The following LRRTM4 variants were observed in gnomAD, a reference collection of about 807,000 sequenced individuals.
LRRTM4 encodes leucine-rich repeat transmembrane neuronal protein 4.
A neutral mutation model predicts 47.6 loss-of-function variants in LRRTM4; 25 were observed. The ratio of observed to expected loss-of-function variants is 0.53; its 90% CI spans 0.38 to 0.73. The LOEUF (loss-of-function observed/expected upper bound fraction) is 0.73. Among genes scored for constraint, LRRTM4 ranks in the 30% least tolerant of loss-of-function variants. The probability of loss-of-function intolerance (pLI) is 0.00; values close to 1 mark genes in which losing one functional copy is unlikely to be tolerated. For synonymous variants in LRRTM4, 311 were observed against 269.5 expected, an observed-to-expected ratio of 1.15 and a Z score of -1.51; for missense variants, 638 against 713.4, an observed-to-expected ratio of 0.89 and a Z score of 1.20.
chr2:77,017,158 A>G (rs1396059623), intron 3 of LRRTM4, among the ~76,000 whole-genome samples: 1 of 152,198 alleles, frequency 6.6e-6, no homozygotes, highest in African/African-American at 2.4e-5. Flanking sequence ...ATCAACATAG[A>G]TGAGGACATC....
At chr2:76,816,522 A>C (rs1670899246) in intron 3 of LRRTM4, among the ~76,000 whole-genome samples, 1 of 152,116 alleles carries the variant, frequency 6.6e-6, no homozygotes, top group South Asian at 2.1e-4. Flanking sequence ...CATAATCTAT[A>C]GAAGTGGAAC....
At chr2:77,439,391 A>T (rs1675743845) in intron 3 of LRRTM4, among the ~76,000 whole-genome samples, 1 of 152,164 alleles carries the variant, frequency 6.6e-6, no homozygotes, top group Non-Finnish European at 1.5e-5. Flanking sequence ...AAAGTCAAAT[A>T]GGTACATATC....
chr2:77,279,439 T>C (rs781711953), intron 3 of LRRTM4, among the ~76,000 whole-genome samples: 3 of 151,992 alleles, frequency 2.0e-5, no homozygotes, highest in Non-Finnish European at 4.4e-5. Flanking sequence ...TGCTCTCCTA[T>C]GCATATGTTC....
At chr2:77,059,801 G>A (rs771085042) in intron 3 of LRRTM4, among the ~76,000 whole-genome samples, 2 of 152,074 alleles carry the variant, frequency 1.3e-5, no homozygotes, top group Admixed American at 6.6e-5. Context: ...TCTTAAAGTC[G>A]CTTTTTACAT....
At chr2:77,100,313 G>C (rs1670919399) in intron 3 of LRRTM4, among the ~76,000 whole-genome samples, 1 of 152,130 alleles carries the variant, frequency 6.6e-6, no homozygotes, top group South Asian at 2.1e-4. Flanking sequence ...ACTTCATGCT[G>C]TTTCTCTATT....
chr2:77,004,989 T>C (rs909064658), intron 3 of LRRTM4, among the ~76,000 whole-genome samples: 1 of 152,168 alleles, frequency 6.6e-6, no homozygotes, highest in African/African-American at 2.4e-5. Context: ...TGTACCCCAG[T>C]TGTATCTAAA....
At chr2:77,258,541 G>C (rs553293118) in intron 3 of LRRTM4, among the ~76,000 whole-genome samples, 10 of 151,732 alleles carry the variant, frequency 6.6e-5, no homozygotes, top group Non-Finnish European at 1.0e-4. Flanking sequence ...AGAACTCCCT[G>C]TACTATCTTT....
At chr2:76,798,258 C>A (rs551641017) in intron 3 of LRRTM4, among the ~76,000 whole-genome samples, 12 of 152,248 alleles carry the variant, frequency 7.9e-5, no homozygotes, top group Non-Finnish European at 1.3e-4. Flanking sequence ...ATCTCTCAGA[C>A]CACAGTGCAA....
At chr2:77,025,694 A>C (rs1331705596) in intron 3 of LRRTM4, among the ~76,000 whole-genome samples, 1 of 152,218 alleles carries the variant, frequency 6.6e-6, no homozygotes, top group Non-Finnish European at 1.5e-5. Context: ...AAAAATGTAG[A>C]ATATTTCTGG....
chr2:77,252,672 G>A (rs775534575), intron 3 of LRRTM4, among the ~76,000 whole-genome samples: 4 of 152,152 alleles, frequency 2.6e-5, no homozygotes, highest in Non-Finnish European at 4.4e-5. Flanking sequence ...GAAGGGCAAG[G>A]AGAAAAGCAT....
At chr2:77,287,346 C>A (rs1038220528) in intron 3 of LRRTM4, among the ~76,000 whole-genome samples, 1 of 151,930 alleles carries the variant, frequency 6.6e-6, no homozygotes, top group African/African-American at 2.4e-5. Flanking sequence ...AAATCTATTA[C>A]AAATGGAGAG....
intron 3 of LRRTM4, among the ~76,000 whole-genome samples, chr2:77,360,374 G>A (rs1672143905): frequency 2.0e-5 from 3 of 152,104 alleles, no homozygotes; most frequent in Admixed American, 1.3e-4. Context: ...GGAGAATGGC[G>A]TGAACCCAGG....
At chr2:77,221,168 C>T (rs1489315735) in intron 3 of LRRTM4, among the ~76,000 whole-genome samples, 1 of 152,106 alleles carries the variant, frequency 6.6e-6, no homozygotes, top group African/African-American at 2.4e-5. Context: ...GATATTTTGT[C>T]ACCACCAGGC....
intron 3 of LRRTM4, among the ~76,000 whole-genome samples, chr2:76,856,378 T>C (rs138986665): frequency 8.0e-4 from 122 of 152,298 alleles, no homozygotes; most frequent in African/African-American, 2.8e-3. Flanking sequence ...TTGGATATAA[T>C]ATCCACTATG....
intron 3 of LRRTM4, chr2:77,516,998 T>C: frequency 2.0e-6 from 2 of 985,014 alleles, no homozygotes; most frequent in Non-Finnish European, 1.2e-6. Context: ...AAAACTGTCT[T>C]TTGAAAGAGT....
At chr2:77,007,783 G>T (rs527832827) in intron 3 of LRRTM4, among the ~76,000 whole-genome samples, 1 of 152,126 alleles carries the variant, frequency 6.6e-6, no homozygotes, top group African/African-American at 2.4e-5. Context: ...AGAGAGTTCT[G>T]TGAATAGAAA....
At chr2:77,271,455 C>A (rs1350587535) in intron 3 of LRRTM4, among the ~76,000 whole-genome samples, 3 of 152,192 alleles carry the variant, frequency 2.0e-5, no homozygotes, top group Non-Finnish European at 4.4e-5. Flanking sequence ...TGTGCCAGCA[C>A]CTGGAGCAGC....
chr2:77,108,710 A>G (rs1671167691), intron 3 of LRRTM4, among the ~76,000 whole-genome samples: 1 of 151,568 alleles, frequency 6.6e-6, no homozygotes, highest in Non-Finnish European at 1.5e-5. Flanking sequence ...CAGCCTCCCA[A>G]GTAGCTGGGA....
chr2:77,219,764 A>T (rs1261506848), intron 3 of LRRTM4, among the ~76,000 whole-genome samples: 1 of 152,060 alleles, frequency 6.6e-6, no homozygotes, highest in Non-Finnish European at 1.5e-5. Flanking sequence ...ATAACAGCTA[A>T]TGTTGACCTC....
Sources: allele counts gnomAD v4.1 joint callset (sites outside exome capture counted in the v4.1 genomes callset), GRCh38; gene constraint gnomAD v4.1.1; transcripts MANE v1.5; gene names NCBI Gene and HGNC (gene_info 2026-07-23, HGNC 2026-07-21).